The following SHOC1 variants were observed in gnomAD, a reference collection of about 807,000 sequenced individuals.
The protein encoded by SHOC1 is shortage in chiasmata 1, also known as protein shortage in chiasmata 1 ortholog.
SHOC1 carries 136 observed loss-of-function variants against 179.2 expected under a neutral mutation model. The observed-to-expected ratio is 0.76, with a 90% CI of 0.66 to 0.87. The LOEUF is 0.87. SHOC1 is among the 40% of genes least tolerant of loss of function. The probability of loss-of-function intolerance (pLI) is 0.00; values close to 1 mark genes in which losing one functional copy is unlikely to be tolerated. For synonymous variants in SHOC1, 489 were observed against 586.6 expected (o/e 0.83, Z 2.41); for missense variants, 1,538 against 1,700.8 (o/e 0.90, Z 1.68).
At chr9:111,722,799 ATTAT>A (rs1464576420) in intron 14 of SHOC1, among the ~76,000 whole-genome samples, 1 of 152,038 alleles carries the variant, frequency 6.6e-6, no homozygotes, top group Non-Finnish European at 1.5e-5. Context: ...TTATGGCTAT[ATTAT>A]TTATTTATTT....
chr9:111,730,190 T>C (rs1299444897), intron 12 of SHOC1, among the ~76,000 whole-genome samples: 2 of 152,214 alleles, frequency 1.3e-5, no homozygotes, highest in Non-Finnish European at 2.9e-5. Flanking sequence ...CACTAAAGTC[T>C]TGAACCCTTC....
At chr9:111,700,908 A>T (rs960426165) in intron 23 of SHOC1, among the ~76,000 whole-genome samples, 17 of 152,242 alleles carry the variant, frequency 1.1e-4, no homozygotes, top group Non-Finnish European at 2.2e-4. Flanking sequence ...GGTAGAGAAA[A>T]TTTTACAAGT....
intron 10 of SHOC1, 24 bp from the exon 11 acceptor site, chr9:111,741,594 A>G (rs754324407): frequency 4.9e-6 from 6 of 1,231,982 alleles, no homozygotes; most frequent in Admixed American, 1.9e-5. Flanking sequence ...TTAAAGTTTA[A>G]TACATTAATA....
chr9:111,779,477 T>C (rs1835956156), intron 4 of SHOC1, among the ~76,000 whole-genome samples: 1 of 152,204 alleles, frequency 6.6e-6, no homozygotes, highest in Admixed American at 6.5e-5. Flanking sequence ...GCTAAACACT[T>C]ATTGCATATT....
intron 14 of SHOC1, 89 bp from the exon 15 acceptor site, chr9:111,722,674 C>T (rs920527258): frequency 2.0e-6 from 2 of 1,016,478 alleles, no homozygotes; most frequent in Admixed American, 5.9e-5. Context: ...TCGTGGAGAT[C>T]CGAACTTCTA....
intron 12 of SHOC1, among the ~76,000 whole-genome samples, chr9:111,737,609 G>A (rs1182836850): frequency 6.6e-6 from 1 of 151,974 alleles, no homozygotes; most frequent in Non-Finnish European, 1.5e-5. Context: ...GCAGTGGGTC[G>A]AGATCATGCC....
In SHOC1 at chr9:111,702,369, A is replaced by T. The variant is rs1045107425; in HGVS notation, c.2968-143T>A. The T allele has an allele frequency of 2.4e-5, 14 of 588,254 alleles. No individual in the cohort carries two copies. The East Asian group carries it at 4.0e-4, about 17-fold the overall frequency. The allele number at this position is 588,254 out of a possible 1,614,324, so 36.4% of individuals were successfully genotyped here. On this transcript the variant is annotated intron_variant, in intron 22 of 27. Coordinates refer to ENST00000682961, the MANE Select transcript of SHOC1 (RefSeq NM_001378211.1). ...TGAGCCCCCATTTCATGGAAAAATT[A>T]AAATCATGCAGGAAGTAGTAGGAGA... is the stretch of plus-strand genomic sequence containing the variant.
In SHOC1 at chr9:111,727,801, C is replaced by G. The variant is rs369769597; in HGVS notation, c.1666G>C (p.Gly556Arg). 34 of 1,613,000 alleles carry G rather than the reference C, an allele frequency of 2.1e-5. No homozygotes were observed. Among genetic ancestry groups the G allele is most frequent in the Non-Finnish European group, 2.8e-5 (33 of 1,179,612 alleles). The change falls in exon 13 of 28, where the codon GGA becomes CGA. Residue 556 changes from glycine to arginine, a missense_variant. By Grantham distance (125) the Gly-to-Arg change is moderately radical. Coordinates refer to ENST00000682961, the MANE Select transcript of SHOC1 (RefSeq NM_001378211.1). ...NNDHFELDCT[G>R]PSIKSPSSSI... ...GAGGAAGGTGATTTAATAGATGGTC[C>G]TGTGCAGTCAAGTTCAAAGTGATCG...
At position 111,788,162 on chromosome 9, in the gene SHOC1, G is replaced by A. The variant is rs185634622; in HGVS notation, c.46-2127C>T. On this transcript the variant is annotated intron_variant, in intron 2 of 27. Coordinates refer to ENST00000682961, the MANE Select transcript of SHOC1 (RefSeq NM_001378211.1). ...GCTCACTGCAACCTCAGCCTCCCGC[G>A]TTCAAGCTGCACTCCAGCCTGGATG... 3.8e-4 allele frequency among the ~76,000 whole-genome samples: 54 copies of A among 142,934 alleles called. 1 individual carries two copies. The highest frequency in any genetic ancestry group is 3.4e-3 in the Admixed American group (47 of 13,666). 93.8% of individuals were successfully genotyped at this position (142,934 alleles called of 152,430 possible).
chr9:111,788,106 G>A (rs1301999164), intron 2 of SHOC1, among the ~76,000 whole-genome samples: 15 of 120,856 alleles, frequency 1.2e-4, no homozygotes, highest in Non-Finnish European at 1.7e-4. Flanking sequence ...CGCTCTTGTC[G>A]CCCAGGCTGG....
At chr9:111,793,679 A>AT (rs3031223) in intron 1 of SHOC1, among the ~76,000 whole-genome samples, 13,198 of 147,612 alleles carry the variant, frequency 0.089, 700 homozygotes, top group South Asian at 0.21. Flanking sequence ...CAATTCTCGA[A>AT]TTTTTTTTTT....
intron 19 of SHOC1, among the ~76,000 whole-genome samples, chr9:111,707,494 A>T (rs1832328920): frequency 1.3e-5 from 2 of 152,138 alleles, no homozygotes; most frequent in African/African-American, 4.8e-5. Flanking sequence ...AGAATTTCTA[A>T]AGGATATACT....
chr9:111,735,603 T>G (rs1833780170), intron 12 of SHOC1, among the ~76,000 whole-genome samples: 1 of 152,196 alleles, frequency 6.6e-6, no homozygotes, highest in Admixed American at 6.5e-5. Flanking sequence ...GCATTTGGGT[T>G]GGTTCCAAGT....
chr9:111,792,674 T>C lies in SHOC1; in HGVS notation c.-36-1220A>G, dbSNP rs148165488. On this transcript the variant is annotated intron_variant, in intron 1 of 27. Coordinates refer to ENST00000682961, the MANE Select transcript of SHOC1 (RefSeq NM_001378211.1). Reference sequence around the variant, plus strand: ...ATGACTCAGAAGGATTTTTGGATATTACAATATGTTTTCCAATTAAAATGA... The same window carrying C: ...ATGACTCAGAAGGATTTTTGGATATCACAATATGTTTTCCAATTAAAATGA... Among the ~76,000 whole-genome samples the C allele has an allele frequency of 5.7e-3, 865 of 152,326 alleles. 12 individuals carry two copies. Among genetic ancestry groups the C allele is most frequent in the African/African-American group, 0.019 (800 of 41,568 alleles).
At chr9:111,723,362 C>G (rs1833153064) in intron 14 of SHOC1, among the ~76,000 whole-genome samples, 1 of 152,090 alleles carries the variant, frequency 6.6e-6, no homozygotes, top group South Asian at 2.1e-4. Flanking sequence ...GCAGGTTGTT[C>G]TTTAGGAGTC....
intron 3 of SHOC1, 60 bp downstream of exon 3, chr9:111,785,852 C>A: frequency 7.6e-7 from 1 of 1,311,826 alleles, no homozygotes; most frequent in Non-Finnish European, 9.8e-7. Flanking sequence ...TAATAATTTG[C>A]TGTGCTAAAC....
At chr9:111,718,745 T>C (rs1818708558) in intron 15 of SHOC1, among the ~76,000 whole-genome samples, 1 of 152,154 alleles carries the variant, frequency 6.6e-6, no homozygotes, top group Admixed American at 6.5e-5. Context: ...TACCTTGAAA[T>C]GGAGGTAGAC....
intron 18 of SHOC1, among the ~76,000 whole-genome samples, chr9:111,712,484 G>A (rs1272409072): frequency 2.6e-5 from 4 of 152,148 alleles, no homozygotes; most frequent in Non-Finnish European, 2.9e-5. Context: ...GCTTTTATAT[G>A]AGAGGAAGTA....
intron 5 of SHOC1, among the ~76,000 whole-genome samples, chr9:111,768,559 T>G (rs571826890): frequency 1.3e-5 from 2 of 152,330 alleles, no homozygotes; most frequent in East Asian, 3.9e-4. Context: ...CTGAATTCAC[T>G]TATCAACTCA....
Sources: allele counts gnomAD v4.1 joint callset (sites outside exome capture counted in the v4.1 genomes callset), GRCh38; gene constraint gnomAD v4.1.1; transcripts MANE v1.5; gene names NCBI Gene and HGNC (gene_info 2026-07-23, HGNC 2026-07-21).